PPARG: variants seen among roughly 807,000 people sequenced by gnomAD.
PPARG encodes the protein peroxisome proliferator activated receptor gamma.
A neutral mutation model predicts 39.2 loss-of-function variants in PPARG; 17 were observed. That is an observed-to-expected ratio of 0.43 (90% confidence interval 0.30 to 0.65). PPARG has a LOEUF of 0.65. Among genes scored for constraint, PPARG ranks in the 30% least tolerant of loss-of-function variants. The pLI is 0.13. For missense variants in PPARG, 406 were observed against 585.9 expected (o/e 0.69, Z 3.17); for synonymous variants, 223 against 215.7 (o/e 1.03, Z -0.30).
chr3:12,320,975 T>C (rs546271565), intron 2 of PPARG, among the ~76,000 whole-genome samples: 1 of 152,356 alleles, frequency 6.6e-6, no homozygotes, highest in African/African-American at 2.4e-5. Flanking sequence ...AATATCTTTT[T>C]AATATTTTTG....
rs545210244 is a variant in PPARG, at chr3:12,296,254, CAAAAAA to C, written c.-83+7140_-83+7145del. Among the ~76,000 whole-genome samples the C allele has an allele frequency of 6.9e-3, 336 of 48,648 alleles. 1 individual carries two copies. The highest frequency in any genetic ancestry group is 0.025 in the African/African-American group (305 of 12,318). The allele number at this position is 48,648 out of a possible 152,430, so 31.9% of individuals were successfully genotyped here. A position where few individuals can be genotyped will look rare whatever the true frequency, so the allele number is the denominator to read the frequency against. ...TGGGCAACAGAGCAACACTTTGTCTCAAAAAAAAAAAAAAAAAAAAAAAAAGAATAA... is the reference window on the plus strand; with the variant it reads ...TGGGCAACAGAGCAACACTTTGTCTCAAAAAAAAAAAAAAAAAAAGAATAA... On this transcript the variant is annotated intron_variant, in intron 1 of 7. Transcript: ENST00000651735.
intron 2 of PPARG, among the ~76,000 whole-genome samples, chr3:12,368,265 T>C (rs906360500): frequency 6.8e-6 from 1 of 146,408 alleles, no homozygotes; most frequent in Non-Finnish European, 1.5e-5. Flanking sequence ...CACTGCAACC[T>C]CCATCTCCCG....
chr3:12,361,434 C>T (rs2048844624), intron 2 of PPARG, among the ~76,000 whole-genome samples: 1 of 152,116 alleles, frequency 6.6e-6, no homozygotes, highest in Non-Finnish European at 1.5e-5. Flanking sequence ...TTTGCCTACT[C>T]CAAGGTTGAT....
chr3:12,311,977 A>G (rs1019986356), intron 1 of PPARG, among the ~76,000 whole-genome samples: 1 of 152,160 alleles, frequency 6.6e-6, no homozygotes, highest in Non-Finnish European at 1.5e-5. Flanking sequence ...ATTAACTTTC[A>G]GGGTTATTAA....
intron 6 of PPARG, among the ~76,000 whole-genome samples, chr3:12,414,420 C>G (rs537342058): frequency 6.6e-6 from 1 of 152,192 alleles, no homozygotes; most frequent in African/African-American, 2.4e-5. Flanking sequence ...AGTTCAAGAC[C>G]AGCCCAGGCA....
chr3:12,288,224 G>C (rs1287231695), upstream of PPARG, among the ~76,000 whole-genome samples: 3 of 151,784 alleles, frequency 2.0e-5, no homozygotes, highest in Non-Finnish European at 4.4e-5. Flanking sequence ...GTCATGGTCC[G>C]GCAGGACCCG....
chr3:12,317,813 T>C (rs1048060826), intron 2 of PPARG, among the ~76,000 whole-genome samples: 3 of 152,162 alleles, frequency 2.0e-5, no homozygotes, highest in Non-Finnish European at 4.4e-5. Context: ...GAACAAAACA[T>C]ACAAAGCATA....
At chr3:12,298,940 A>G (rs2046860889) in intron 1 of PPARG, among the ~76,000 whole-genome samples, 1 of 151,984 alleles carries the variant, frequency 6.6e-6, no homozygotes, top group African/African-American at 2.4e-5. Flanking sequence ...GGTTTAAGTG[A>G]TCCTCCCACC....
At chr3:12,288,451 A>G (rs2046564487), upstream of PPARG, among the ~76,000 whole-genome samples, 2 of 151,720 alleles carry the variant, frequency 1.3e-5, no homozygotes, top group African/African-American at 4.8e-5. Flanking sequence ...GTGGGCGCGG[A>G]GCCGGGGACA....
At chr3:12,320,257 G>A (rs574182751) in intron 2 of PPARG, among the ~76,000 whole-genome samples, 10 of 152,182 alleles carry the variant, frequency 6.6e-5, no homozygotes, top group Admixed American at 2.0e-4. Context: ...TGTATGTATC[G>A]CTAGAGGAAT....
At chr3:12,375,358 C>T (rs746154043) in intron 2 of PPARG, among the ~76,000 whole-genome samples, 16 of 152,142 alleles carry the variant, frequency 1.1e-4, no homozygotes, top group Non-Finnish European at 1.9e-4. Flanking sequence ...CCAGTAAAAT[C>T]ATGAGCAACC....
At chr3:12,410,340 C>G (rs1479081819) in intron 6 of PPARG, among the ~76,000 whole-genome samples, 2 of 152,180 alleles carry the variant, frequency 1.3e-5, no homozygotes, top group Non-Finnish European at 2.9e-5. Context: ...TTGACTATTA[C>G]CCTGGTGCGA....
At chr3:12,390,477 C>T (rs1039983957) in intron 4 of PPARG, among the ~76,000 whole-genome samples, 1 of 151,936 alleles carries the variant, frequency 6.6e-6, no homozygotes, top group Non-Finnish European at 1.5e-5. Flanking sequence ...TAGTCTTTCA[C>T]TAACAAGAAC....
chr3:12,360,099 A>AAG (rs1311537198), intron 2 of PPARG, among the ~76,000 whole-genome samples: 1 of 152,214 alleles, frequency 6.6e-6, no homozygotes, highest in African/African-American at 2.4e-5. Flanking sequence ...ACAAAAACAG[A>AAG]TAGTTTATTA....
chr3:12,383,605 G>A (rs1457470711), intron 4 of PPARG, among the ~76,000 whole-genome samples: 1 of 152,104 alleles, frequency 6.6e-6, no homozygotes, highest in African/African-American at 2.4e-5. Context: ...AAACAGCATG[G>A]TTGGTTTAAG....
At chr3:12,415,110 A>T (rs1400085295) in intron 6 of PPARG, among the ~76,000 whole-genome samples, 1 of 152,122 alleles carries the variant, frequency 6.6e-6, no homozygotes. Context: ...CTCTCCTTTC[A>T]GGAGAGAATT....
intron 2 of PPARG, among the ~76,000 whole-genome samples, chr3:12,319,042 GGACAAGA>G (rs1450962245): frequency 6.6e-6 from 1 of 152,080 alleles, no homozygotes; most frequent in African/African-American, 2.4e-5. Context: ...TTGGTGGCTG[GGACAAGA>G]AACAATTAGG....
At chr3:12,360,946 A>G (rs1322560566) in intron 2 of PPARG, among the ~76,000 whole-genome samples, 1 of 152,096 alleles carries the variant, frequency 6.6e-6, no homozygotes, top group East Asian at 1.9e-4. Context: ...TGCTTCAGCC[A>G]ATAATAGAGT....
intron 5 of PPARG, among the ~76,000 whole-genome samples, chr3:12,403,812 G>A (rs1370703939): frequency 6.6e-6 from 1 of 152,206 alleles, no homozygotes; most frequent in Non-Finnish European, 1.5e-5. Context: ...GAAGGAATAT[G>A]CTATCTGGGG....
Sources: gnomAD v4.1 joint callset for allele counts (sites outside exome capture counted in the v4.1 genomes callset) on GRCh38, gnomAD v4.1.1 for gene constraint, MANE v1.5 for transcripts, NCBI Gene and HGNC (gene_info 2026-07-23, HGNC 2026-07-21) for gene names.